IARS2: variants seen among roughly 807,000 people sequenced by gnomAD.
The protein encoded by IARS2 is isoleucine--tRNA ligase, mitochondrial.
In IARS2, 56 loss-of-function variants were observed where a neutral mutation model predicts 126.3. That is an observed-to-expected ratio of 0.44 (90% CI 0.36 to 0.55). IARS2 has a LOEUF of 0.55. Ranked by LOEUF, IARS2 falls within the 20% of genes least tolerant of loss-of-function variation. IARS2 has a pLI of 0.00. For missense variants in IARS2, 1,127 were observed against 1,245.9 expected (o/e 0.90, Z 1.44); for synonymous variants, 407 against 441.1 (o/e 0.92, Z 0.97).
At chr1:220,096,905 G>T (rs562920434) in intron 2 of IARS2, among the ~76,000 whole-genome samples, 3 of 152,116 alleles carry the variant, frequency 2.0e-5, no homozygotes, top group African/African-American at 7.2e-5. Flanking sequence ...AATTAGCCAC[G>T]CATGGTGGCG....
At chr1:220,097,372 T>G (rs1299991807) in intron 2 of IARS2, among the ~76,000 whole-genome samples, 1 of 150,764 alleles carries the variant, frequency 6.6e-6, no homozygotes, top group Admixed American at 6.6e-5. Flanking sequence ...TTTCTTTTTT[T>G]TTTTTTTTTG....
intron 13 of IARS2, 75 bp from the exon 14 acceptor site, chr1:220,126,675 A>G: frequency 9.8e-7 from 1 of 1,021,940 alleles, no homozygotes; most frequent in South Asian, 1.4e-5. Flanking sequence ...TTTTCTGAAG[A>G]CTTTTGGGGT....
intron 20 of IARS2, among the ~76,000 whole-genome samples, chr1:220,142,419 T>A (rs1412972311): frequency 6.6e-6 from 1 of 152,158 alleles, no homozygotes; most frequent in Non-Finnish European, 1.5e-5. Flanking sequence ...GGAGAATTGC[T>A]TGAACTCGGG....
intron 12 of IARS2, among the ~76,000 whole-genome samples, chr1:220,122,517 G>A (rs1657070499): frequency 6.6e-6 from 1 of 152,184 alleles, no homozygotes; most frequent in South Asian, 2.1e-4. Flanking sequence ...AGTAAAAACA[G>A]CACACCAAAC....
At chr1:220,096,004 A>G (rs1293070351) in intron 1 of IARS2, 100 bp from the exon 2 acceptor site, 4 of 664,132 alleles carry the variant, frequency 6.0e-6, no homozygotes, top group African/African-American at 3.6e-5. Flanking sequence ...ATTGGAATGT[A>G]ATTGGAATGG....
intron 21 of IARS2, 31 bp downstream of exon 21, chr1:220,143,165 TGTTA>T: frequency 6.5e-7 from 1 of 1,541,018 alleles, no homozygotes; most frequent in East Asian, 2.3e-5. Context: ...TTTGAAATGG[TGTTA>T]GTATCATAGA....
intron 2 of IARS2, among the ~76,000 whole-genome samples, chr1:220,096,487 A>G (rs1474098098): frequency 6.6e-6 from 1 of 152,232 alleles, no homozygotes; most frequent in East Asian, 1.9e-4. Context: ...GAATCTGGGA[A>G]TAGCAGTGGA....
chr1:220,126,891 T>A (rs376445008), intron 14 of IARS2, 48 bp downstream of exon 14: 2 of 1,334,134 alleles, frequency 1.5e-6, no homozygotes, highest in African/African-American at 1.5e-5. Context: ...TTTGAAAATA[T>A]GGAATTGGTA....
At chr1:220,109,310 G>C (rs1656751007) in intron 10 of IARS2, among the ~76,000 whole-genome samples, 1 of 151,578 alleles carries the variant, frequency 6.6e-6, no homozygotes, top group Non-Finnish European at 1.5e-5. Flanking sequence ...TGAGGCAGGA[G>C]AATCACTTGA....
In IARS2 at chr1:220,094,249, C is replaced by T. The variant is rs1043974359; in HGVS notation, c.33C>T (p.Gly11=). The T allele has an allele frequency of 6.3e-6, 10 of 1,597,396 alleles. No homozygotes were observed. Among genetic ancestry groups the T allele is most frequent in the Non-Finnish European group, 6.0e-6 (7 of 1,172,186 alleles). Residue 11 remains glycine, a synonymous_variant, in exon 1 of 23, where the codon GGC becomes GGT. Coordinates refer to ENST00000366922, the MANE Select transcript of IARS2 (RefSeq NM_018060.4). MRWGLRPRGP[G]AAALATARSL... is the part of the protein sequence containing the mutation. ...GGGGGCTGCGCCCTCGCGGGCCGGG[C>T]GCGGCCGCCCTGGCCACTGCCCGAA...
At chr1:220,099,854 A>G (rs1233060647) in intron 2 of IARS2, among the ~76,000 whole-genome samples, 1 of 152,110 alleles carries the variant, frequency 6.6e-6, no homozygotes, top group Non-Finnish European at 1.5e-5. Flanking sequence ...GTTCATTAGT[A>G]AACAGTTTGA....
chr1:220,100,771 G>A (rs1571844223), intron 3 of IARS2, 122 bp downstream of exon 3: 1 of 575,758 alleles, frequency 1.7e-6, no homozygotes, highest in South Asian at 3.7e-5. Context: ...AAGATCTATT[G>A]GAAACGCCTT....
intron 1 of IARS2, 34 bp from the exon 2 acceptor site, chr1:220,096,070 T>C (rs997007155): frequency 8.2e-7 from 1 of 1,217,198 alleles, no homozygotes; most frequent in Non-Finnish European, 1.2e-6. Flanking sequence ...TGTATTTATA[T>C]GATGTTTAGA....
chr1:220,095,463 TAA>T (rs1238947552), intron 1 of IARS2, among the ~76,000 whole-genome samples: 1 of 152,248 alleles, frequency 6.6e-6, no homozygotes, highest in Non-Finnish European at 1.5e-5. Context: ...CTGACAGTTA[TAA>T]GAGTTCATCT....
At chr1:220,102,095 G>T (rs531152257) in intron 3 of IARS2, 34 bp from the exon 4 acceptor site, 2 of 1,577,424 alleles carry the variant, frequency 1.3e-6, no homozygotes, top group African/African-American at 2.7e-5. Context: ...GAATTCATTG[G>T]TTTTTTAAAA....
chr1:220,100,110 A>T (rs1326504852), intron 2 of IARS2, among the ~76,000 whole-genome samples: 1 of 152,186 alleles, frequency 6.6e-6, no homozygotes, highest in Non-Finnish European at 1.5e-5. Flanking sequence ...ATCTAAAATG[A>T]ATTTAAAAAG....
intron 14 of IARS2, among the ~76,000 whole-genome samples, chr1:220,127,477 T>C (rs979023080): frequency 7.9e-5 from 12 of 152,214 alleles, no homozygotes; most frequent in Non-Finnish European, 1.3e-4. Context: ...AGGATGTGTT[T>C]AGATGCTTGA....
chr1:220,107,065 G>A lies in IARS2; in HGVS notation c.1241G>A (p.Cys414Tyr), dbSNP rs1352298682. Reference protein sequence around the residue: ...VASQHNLPMDCLVDEDGVFTD... With the variant: ...VASQHNLPMDYLVDEDGVFTD... Reference sequence around the variant, plus strand: ...GTTCAAAATGATACTTTATAGGATTGTCTAGTGGACGAAGATGGAGTTTTC... The same window carrying A: ...GTTCAAAATGATACTTTATAGGATTATCTAGTGGACGAAGATGGAGTTTTC... The change falls in exon 10 of 23, where the codon TGT (cysteine) becomes TAT (tyrosine). Residue 414 changes from cysteine (C) to tyrosine (Y), a missense_variant. Cys to Tyr is a radical substitution (Grantham distance 194). Coordinates refer to ENST00000366922, the MANE Select transcript of IARS2 (RefSeq NM_018060.4). The A allele has an allele frequency of 1.2e-6, 2 of 1,600,146 alleles. No individual in the cohort carries two copies. The highest frequency in any genetic ancestry group is 1.7e-6 in the Non-Finnish European group (2 of 1,167,416).
Position 220,094,449 on chromosome 1 carries a change from G to C in IARS2, c.233G>C (p.Arg78Pro). The C allele has an allele frequency of 1.2e-6, 2 of 1,610,186 alleles. No homozygotes were observed. Among genetic ancestry groups the C allele is most frequent in the Non-Finnish European group, 1.7e-6 (2 of 1,178,684 alleles). The change falls in exon 1 of 23, where the codon CGC (arginine) becomes CCC (proline). Residue 78 changes from arginine to proline, a missense_variant. Arg to Pro is a moderately radical substitution (Grantham distance 103). Coordinates refer to ENST00000366922, the MANE Select transcript of IARS2 (RefSeq NM_018060.4). ...QTSFPMKLLG[R>P]QQPDTELEIQ... The stretch of plus-strand genomic sequence containing the variant: ...AGCTTCCCCATGAAGCTGCTGGGCC[G>C]CCAGCAGCCGGACACGGAGCTGGAG...
Sources: gnomAD v4.1 joint callset for allele counts (sites outside exome capture counted in the v4.1 genomes callset) on GRCh38, gnomAD v4.1.1 for gene constraint, MANE v1.5 for transcripts, NCBI Gene and HGNC (gene_info 2026-07-23, HGNC 2026-07-21) for gene names.